Variants in ZNF695 observed in about 807,000 individuals in gnomAD.
The protein encoded by ZNF695 is zinc finger protein 695.
Under a neutral mutation model 11.2 loss-of-function variants are expected in ZNF695, and 11 were observed. That is an observed-to-expected ratio of 0.98 (90% CI 0.62 to 1.62). The LOEUF is 1.62. ZNF695 is among the 40% of genes most tolerant of loss of function. ZNF695 has a pLI of 0.00. For synonymous variants in ZNF695, 190 were observed against 201.4 expected, an observed-to-expected ratio of 0.94 and a Z score of 0.48; for missense variants, 559 against 590.5, an observed-to-expected ratio of 0.95 and a Z score of 0.55.
chr1:246,973,710 A>C (rs899623752), intron 4 of ZNF695, among the ~76,000 whole-genome samples: 3 of 152,228 alleles, frequency 2.0e-5, no homozygotes, highest in Admixed American at 2.0e-4. Flanking sequence ...TAACAACTTG[A>C]AAAAGGCATC....
At chr1:247,002,737 C>T (rs556418474) in intron 1 of ZNF695, among the ~76,000 whole-genome samples, 160 of 151,624 alleles carry the variant, frequency 1.1e-3, no homozygotes, top group African/African-American at 3.8e-3. Context: ...GAGCTGAGAT[C>T]GTGTCACTGC....
intron 3 of ZNF695, chr1:246,995,936 T>A (rs1282876190): frequency 2.5e-6 from 1 of 404,744 alleles, no homozygotes; most frequent in East Asian, 8.7e-5. Flanking sequence ...TCCACATATA[T>A]GGTCACATGA....
Position 246,988,099 on chromosome 1 carries a change from G to A in ZNF695, c.416C>T (p.Ala139Val), listed in dbSNP as rs370214531. Residue 139 changes from alanine (A) to valine (V), a missense_variant, in exon 4 of 4, where the codon GCA becomes GTA. By Grantham distance (64) the Ala-to-Val change is moderately conservative. Coordinates refer to ENST00000339986, the MANE Select transcript of ZNF695 (RefSeq NM_020394.5). ...GCATAGGTCAAGTCCATTATAACTT[G>A]CCTTCTGCCCTTTCCACTCACCCAC... ...EIVGEWKGQK[A>V]SYNGLDLCSA... The A allele has an allele frequency of 6.2e-7, 1 of 1,613,356 alleles. No homozygotes were observed. The highest frequency in any genetic ancestry group is 8.5e-7 in the Non-Finnish European group (1 of 1,179,760).
intron 5 of ZNF695, among the ~76,000 whole-genome samples, chr1:246,954,407 G>A (rs531102861): frequency 3.3e-5 from 5 of 152,290 alleles, no homozygotes; most frequent in African/African-American, 4.8e-5. Context: ...AGTTCAGCCC[G>A]AATTGCTGGA....
At chr1:246,966,707 C>T in intron 5 of ZNF695, 1 of 450,962 alleles carries the variant, frequency 2.2e-6, no homozygotes, top group South Asian at 1.6e-5. Flanking sequence ...ATCGCTTGAC[C>T]CTGGGAGTTC....
intron 5 of ZNF695, among the ~76,000 whole-genome samples, chr1:246,950,433 T>C (rs1285376785): frequency 1.3e-5 from 2 of 152,144 alleles, no homozygotes; most frequent in Non-Finnish European, 2.9e-5. Context: ...GCGGATCACC[T>C]GAGGTCAGGA....
intron 5 of ZNF695, among the ~76,000 whole-genome samples, chr1:246,946,597 A>G (rs1667741230): frequency 6.6e-6 from 1 of 152,272 alleles, no homozygotes; most frequent in Admixed American, 6.5e-5. Flanking sequence ...ACCTGGCTCC[A>G]GTCTTGCTCT....
At chr1:246,966,383 A>C (rs1398058945) in intron 5 of ZNF695, among the ~76,000 whole-genome samples, 1 of 152,172 alleles carries the variant, frequency 6.6e-6, no homozygotes, top group East Asian at 1.9e-4. Context: ...TGGGAGGCTG[A>C]GGCAGGAGAA....
At chr1:247,002,170 C>T (rs1204113080) in intron 1 of ZNF695, among the ~76,000 whole-genome samples, 1 of 151,960 alleles carries the variant, frequency 6.6e-6, no homozygotes, top group Non-Finnish European at 1.5e-5. Context: ...AAAAACAGAA[C>T]TCAATATCAA....
At chr1:246,964,151 G>A (rs568780262) in intron 5 of ZNF695, among the ~76,000 whole-genome samples, 10 of 152,238 alleles carry the variant, frequency 6.6e-5, no homozygotes, top group Non-Finnish European at 8.8e-5. Context: ...GCACCTCCGC[G>A]TGTTCAGCAG....
At chr1:246,970,687 T>C (rs1668401996) in intron 4 of ZNF695, among the ~76,000 whole-genome samples, 1 of 152,054 alleles carries the variant, frequency 6.6e-6, no homozygotes, top group Admixed American at 6.6e-5. Context: ...ACAGGCAGAG[T>C]GGAGAGCCCT....
chr1:246,947,587 AG>A (rs1232026650), intron 5 of ZNF695, among the ~76,000 whole-genome samples: 1 of 152,200 alleles, frequency 6.6e-6, no homozygotes, highest in Non-Finnish European at 1.5e-5. Context: ...AGCGACAATC[AG>A]GCTTTTCTCC....
At chr1:246,968,686 T>A (rs759124206) in intron 4 of ZNF695, 2 of 152,284 alleles carry the variant, frequency 1.3e-5, no homozygotes, top group Non-Finnish European at 2.9e-5. Flanking sequence ...GTTGTTTCCA[T>A]ACATCCTCAG....
At chr1:246,994,870 A>G (rs1669151825) in intron 3 of ZNF695, among the ~76,000 whole-genome samples, 1 of 152,084 alleles carries the variant, frequency 6.6e-6, no homozygotes, top group South Asian at 2.1e-4. Context: ...ACAAACAAAC[A>G]AAAAACACGA....
At chr1:246,955,594 C>A (rs1252197111) in intron 5 of ZNF695, among the ~76,000 whole-genome samples, 1 of 152,178 alleles carries the variant, frequency 6.6e-6, no homozygotes, top group Non-Finnish European at 1.5e-5. Flanking sequence ...AACACCTACA[C>A]AGAACAGAAC....
In ZNF695 at chr1:246,949,948, G is replaced by A. The variant is rs535766981; in HGVS notation, c.489-4121C>T. 1.3e-4 allele frequency among the ~76,000 whole-genome samples: 20 copies of A among 152,060 alleles called. 1 individual carries two copies. Among genetic ancestry groups the A allele is most frequent in the South Asian group, 8.3e-4 (4 of 4,826 alleles). On this transcript the variant is annotated intron_variant, in intron 5 of 5. Coordinates refer to the ZNF695 transcript ENST00000487338. ...AGAATTAATTCGGCTTCAGATTTAC[G>A]GCTTAAGTAATATTTTTATTATCTT...
At chr1:246,992,057 G>A (rs897265375) in intron 3 of ZNF695, among the ~76,000 whole-genome samples, 25 of 152,080 alleles carry the variant, frequency 1.6e-4, no homozygotes, top group African/African-American at 5.1e-4. Context: ...GCAGCTACTC[G>A]GGAGGCTGAG....
rs916652345 is a variant in ZNF695, at chr1:246,985,999, G to C, written c.*968C>G. The C allele has an allele frequency of 1.0e-6, 1 of 985,088 alleles. No homozygotes were observed. Among genetic ancestry groups the C allele is most frequent in the Non-Finnish European group, 1.2e-6 (1 of 829,752 alleles). 61.0% of individuals were successfully genotyped at this position (985,088 alleles called of 1,614,324 possible). ...CATGGTATCAAGTGATTTAAGACTT[G>C]AATTACATAAATATGTGATTTTCAA... On this transcript the variant is annotated 3_prime_UTR_variant, in exon 4 of 4. Transcript: ENST00000339986.
chr1:246,970,919 G>GTA (rs1668408085), intron 4 of ZNF695, among the ~76,000 whole-genome samples: 1 of 152,160 alleles, frequency 6.6e-6, no homozygotes, highest in African/African-American at 2.4e-5. Flanking sequence ...GGCATGCGCT[G>GTA]TAGGGTCCAG....
Sources: gnomAD v4.1 joint callset for allele counts (sites outside exome capture counted in the v4.1 genomes callset) on GRCh38, gnomAD v4.1.1 for gene constraint, MANE v1.5 for transcripts, NCBI Gene and HGNC (gene_info 2026-07-23, HGNC 2026-07-21) for gene names.